ACLY: variants seen among roughly 807,000 people sequenced by gnomAD.
The protein encoded by ACLY is ATP citrate lyase.
In ACLY, 41 loss-of-function variants were observed where a neutral mutation model predicts 133.0. The observed-to-expected ratio is 0.31, with a 90% CI of 0.24 to 0.40. The LOEUF (loss-of-function observed/expected upper bound fraction) is 0.40. Ranked by LOEUF, ACLY falls within the 10% of genes least tolerant of loss-of-function variation. ACLY has a pLI of 1.00. For missense variants in ACLY, 1,046 were observed against 1,453.8 expected (o/e 0.72, Z 4.56); for synonymous variants, 495 against 549.3 (o/e 0.90, Z 1.38).
rs1597989067 is a variant in ACLY, at chr17:41,883,718, G to A, written c.2154+475C>T. ...TCCCACCTCAGCCTCCCGAGTGGTT[G>A]GGATTACAAGTGTGCACCACCATGC... On this transcript the variant is annotated intron_variant, in intron 19 of 28. Coordinates refer to ENST00000352035, the MANE Select transcript of ACLY (RefSeq NM_001096.3). Among the ~76,000 whole-genome samples the A allele has an allele frequency of 4.6e-5, 7 of 151,590 alleles. No homozygotes were observed. The South Asian group carries it at 1.5e-3, about 32-fold the overall frequency.
At chr17:41,923,324 T>C (rs1323874523), upstream of ACLY, among the ~76,000 whole-genome samples, 1 of 152,232 alleles carries the variant, frequency 6.6e-6, no homozygotes, top group Non-Finnish European at 1.5e-5. Flanking sequence ...GCATTCCACC[T>C]GGGTTCCAGA....
upstream of ACLY, among the ~76,000 whole-genome samples, chr17:41,923,169 CA>C (rs1262395341): frequency 2.0e-5 from 3 of 152,136 alleles, no homozygotes; most frequent in Admixed American, 1.3e-4. Context: ...CCCATCTCTA[CA>C]AAAAATAAAA....
chr17:41,899,276 TC>T (rs2049459330), intron 11 of ACLY, among the ~76,000 whole-genome samples: 1 of 149,210 alleles, frequency 6.7e-6, no homozygotes, highest in Non-Finnish European at 1.5e-5. Context: ...GACTCTTGTC[TC>T]CAAAAAAAAA....
intron 23 of ACLY, 50 bp from the exon 24 acceptor site, chr17:41,872,232 G>A (rs781836396): frequency 1.6e-5 from 25 of 1,565,520 alleles, no homozygotes; most frequent in East Asian, 1.4e-4. Context: ...GGCCATGCTC[G>A]TACTTTCCCC....
At position 41,905,629 on chromosome 17, in the gene ACLY, T is replaced by A. The variant is rs1555632509; in HGVS notation, c.896A>T (p.Asn299Ile). ...GTACTCCCCATAGTTTGCCAGCTCG[T>A]TGACACCCCCTAGATCACAGATGGT... is the stretch of plus-strand genomic sequence containing the variant. ...SDTICDLGGVNELANYGEYSG... is the reference protein window; with the variant it reads ...SDTICDLGGVIELANYGEYSG... The change falls in exon 9 of 29, where the codon AAC becomes ATC. Residue 299 changes from asparagine to isoleucine, a missense_variant. By Grantham distance (149) the Asn-to-Ile change is moderately radical. This residue lies in a region of ACLY where 575 missense variants were observed against 804.2 expected (regional missense o/e 0.71). Transcript: ENST00000352035. 1 of 1,614,194 alleles carries A rather than the reference T, an allele frequency of 6.2e-7. No homozygotes were observed. Among genetic ancestry groups the A allele is most frequent in the Non-Finnish European group, 8.5e-7 (1 of 1,180,038 alleles).
At chr17:41,871,480 G>A (rs1425026636) in intron 25 of ACLY, among the ~76,000 whole-genome samples, 1 of 151,830 alleles carries the variant, frequency 6.6e-6, no homozygotes, top group Admixed American at 6.6e-5. Flanking sequence ...AGCCTCCTGA[G>A]TAGCTGGGAT....
chr17:41,906,410 G>T, intron 8 of ACLY, 118 bp downstream of exon 8: 1 of 856,704 alleles, frequency 1.2e-6, no homozygotes, highest in Non-Finnish European at 1.9e-6. Flanking sequence ...GGATGCCACT[G>T]CTTTCCTCTG....
intron 20 of ACLY, among the ~76,000 whole-genome samples, chr17:41,879,233 G>A (rs919984619): frequency 1.3e-5 from 2 of 151,948 alleles, no homozygotes; most frequent in Admixed American, 6.6e-5. Flanking sequence ...AGCCACCCGA[G>A]TAGCTAGGAT....
intron 13 of ACLY, 137 bp downstream of exon 13, chr17:41,897,612 G>A: frequency 1.4e-6 from 1 of 737,270 alleles, no homozygotes; most frequent in South Asian, 1.8e-5. Context: ...TCGTGTCCCA[G>A]GTGCACTCCC....
At chr17:41,904,875 G>A in intron 9 of ACLY, 85 bp from the exon 10 acceptor site, 3 of 1,366,978 alleles carry the variant, frequency 2.2e-6, no homozygotes, top group South Asian at 1.2e-5. Flanking sequence ...GGAAGTTCTT[G>A]TTCCCCTGAA....
intron 21 of ACLY, 35 bp downstream of exon 21, chr17:41,878,762 G>T (rs781866071): frequency 5.6e-6 from 9 of 1,611,818 alleles, no homozygotes; most frequent in Admixed American, 1.7e-5. Context: ...TTGGAAAGGA[G>T]GGGGAGGCCG....
chr17:41,926,877 CT>C (rs1218138191), intron 1 of ACLY, among the ~76,000 whole-genome samples: 1 of 149,830 alleles, frequency 6.7e-6, no homozygotes, highest in African/African-American at 2.5e-5. Flanking sequence ...GGTTTTTGGT[CT>C]TTTTTTTGAG....
chr17:41,905,132 C>T (rs1029023281), intron 9 of ACLY, among the ~76,000 whole-genome samples: 2 of 152,298 alleles, frequency 1.3e-5, no homozygotes, highest in African/African-American at 4.8e-5. Context: ...AGCTCCAAAA[C>T]ACAGGTGGTA....
intron 3 of ACLY, among the ~76,000 whole-genome samples, 177 bp downstream of exon 3, chr17:41,912,243 A>G (rs1424044683): frequency 1.3e-5 from 2 of 152,216 alleles, no homozygotes; most frequent in African/African-American, 4.8e-5. Context: ...GGGAATGGGC[A>G]TCAAGACTGA....
At chr17:41,896,445 A>G (rs1187702802) in intron 14 of ACLY, among the ~76,000 whole-genome samples, 175 bp downstream of exon 14, 2 of 152,092 alleles carry the variant, frequency 1.3e-5, no homozygotes, top group Non-Finnish European at 2.9e-5. Context: ...CACGGATAGG[A>G]GGGGAGGAAG....
upstream of ACLY, among the ~76,000 whole-genome samples, chr17:41,920,776 G>A (rs551137066): frequency 3.9e-5 from 6 of 152,010 alleles, no homozygotes; most frequent in East Asian, 1.9e-4. Flanking sequence ...TAAAAAGACC[G>A]GGCGTGGTGA....
intron 1 of ACLY, among the ~76,000 whole-genome samples, chr17:41,914,124 T>C (rs782229095): frequency 1.8e-4 from 27 of 152,158 alleles, no homozygotes; most frequent in Non-Finnish European, 2.4e-4. Flanking sequence ...TGAGGGAAGA[T>C]AGAGAAAAAC....
intron 19 of ACLY, among the ~76,000 whole-genome samples, chr17:41,883,556 A>AT (rs1306618584): frequency 7.2e-6 from 1 of 139,326 alleles, no homozygotes; most frequent in Non-Finnish European, 1.6e-5. Flanking sequence ...AAGTCATCAC[A>AT]TTTTTTAAAA....
chr17:41,894,320 C>G (rs1465113652), intron 14 of ACLY, among the ~76,000 whole-genome samples: 9 of 137,350 alleles, frequency 6.6e-5, no homozygotes, highest in Non-Finnish European at 1.2e-4. Flanking sequence ...GAGGTTGCGG[C>G]GAGCCAAGAT....
Sources: gnomAD v4.1 joint callset for allele counts (sites outside exome capture counted in the v4.1 genomes callset) on GRCh38, gnomAD v4.1.1 for gene constraint, gnomAD v4.1.1 regional missense constraint, MANE v1.5 for transcripts, NCBI Gene and HGNC (gene_info 2026-07-23, HGNC 2026-07-21) for gene names.